FGGY: variants seen among roughly 807,000 people sequenced by gnomAD.
FGGY encodes FGGY carbohydrate kinase domain-containing protein.
A neutral mutation model predicts 71.3 loss-of-function variants in FGGY; 72 were observed. The observed-to-expected ratio is 1.01, with a 90% CI of 0.84 to 1.23. The LOEUF (loss-of-function observed/expected upper bound fraction) is 1.23. FGGY is among the 50% of genes most tolerant of loss of function. The pLI is 0.00. For missense variants in FGGY, 668 were observed against 682.3 expected (o/e 0.98, Z 0.23); for synonymous variants, 251 against 250.3 (o/e 1.00, Z -0.02).
At chr1:59,311,813 G>A (rs559694324) in intron 1 of FGGY, among the ~76,000 whole-genome samples, 11 of 152,236 alleles carry the variant, frequency 7.2e-5, no homozygotes, top group Admixed American at 5.2e-4. Context: ...TTGAGGAATC[G>A]CCATACTGCC....
chr1:59,339,472 A>T lies in FGGY; in HGVS notation c.202-486A>T, dbSNP rs184299377. On this transcript the variant is annotated intron_variant, in intron 2 of 15. Transcript: ENST00000303721. ...CCAATTATTTTTAATTATTATTATT[A>T]TTTTTTTTTGAGATGGAGTTTCGCT... Among the ~76,000 whole-genome samples the T allele has an allele frequency of 3.7e-3, 551 of 150,036 alleles. 8 individuals are homozygous for T. Among genetic ancestry groups the T allele is most frequent in the Admixed American group, 0.03 (454 of 15,018 alleles).
At chr1:59,466,570 C>A (rs950440397) in intron 6 of FGGY, among the ~76,000 whole-genome samples, 1 of 152,142 alleles carries the variant, frequency 6.6e-6, no homozygotes, top group African/African-American at 2.4e-5. Context: ...GAACAGGCAA[C>A]CTACAGAATG....
intron 7 of FGGY, among the ~76,000 whole-genome samples, chr1:59,539,237 C>G (rs191675941): frequency 6.6e-6 from 1 of 152,142 alleles, no homozygotes; most frequent in African/African-American, 2.4e-5. Context: ...GTTCAGCATT[C>G]TAGCAGATTT....
chr1:59,408,980 T>TAAAA (rs769097297), intron 5 of FGGY, among the ~76,000 whole-genome samples: 50 of 152,318 alleles, frequency 3.3e-4, no homozygotes, highest in Non-Finnish European at 6.5e-4. Context: ...ACTGGACTTT[T>TAAAA]GTTTTCTTAT....
At chr1:59,713,413 A>G (rs1345469806) in intron 14 of FGGY, among the ~76,000 whole-genome samples, 3 of 152,122 alleles carry the variant, frequency 2.0e-5, no homozygotes, top group Admixed American at 6.6e-5. Context: ...ACTGGCACCA[A>G]TTTAATGGGT....
At chr1:59,519,609 A>G (rs12090936) in intron 7 of FGGY, among the ~76,000 whole-genome samples, 2,007 of 152,292 alleles carry the variant, frequency 0.013, 44 homozygotes, top group African/African-American at 0.046. Context: ...TTCATTTCTA[A>G]TAATAAAATA....
At chr1:59,714,687 G>A (rs747903640) in intron 14 of FGGY, among the ~76,000 whole-genome samples, 2 of 152,200 alleles carry the variant, frequency 1.3e-5, no homozygotes, top group South Asian at 2.1e-4. Context: ...TTATTAGATG[G>A]GACTTTGGAG....
At chr1:59,536,572 A>T (rs1156348954) in intron 7 of FGGY, among the ~76,000 whole-genome samples, 1 of 152,206 alleles carries the variant, frequency 6.6e-6, no homozygotes, top group Non-Finnish European at 1.5e-5. Flanking sequence ...CTGATGCAAA[A>T]ATCCTCGGTA....
intron 14 of FGGY, among the ~76,000 whole-genome samples, chr1:59,686,032 G>A (rs753516398): frequency 1.1e-4 from 17 of 152,130 alleles, no homozygotes; most frequent in Non-Finnish European, 2.2e-4. Flanking sequence ...ATCCTTCCAT[G>A]GAACTCTTAT....
At chr1:59,642,610 A>G (rs2097045976) in intron 11 of FGGY, among the ~76,000 whole-genome samples, 2 of 139,894 alleles carry the variant, frequency 1.4e-5, no homozygotes, top group South Asian at 2.3e-4. Flanking sequence ...GGGTGACAAG[A>G]GCGAGACTCC....
intron 6 of FGGY, among the ~76,000 whole-genome samples, chr1:59,470,381 T>C (rs1490855835): frequency 2.0e-5 from 3 of 152,182 alleles, no homozygotes; most frequent in African/African-American, 4.8e-5. Flanking sequence ...TTTTTTCATA[T>C]CAATATGACT....
chr1:59,425,415 G>A (rs760458907), intron 5 of FGGY, among the ~76,000 whole-genome samples: 11 of 152,090 alleles, frequency 7.2e-5, no homozygotes, highest in Admixed American at 2.0e-4. Flanking sequence ...CCCCCAAATT[G>A]TCTGATATAT....
intron 11 of FGGY, among the ~76,000 whole-genome samples, chr1:59,640,354 G>C (rs2097009766): frequency 1.3e-5 from 2 of 152,088 alleles, no homozygotes; most frequent in African/African-American, 4.8e-5. Flanking sequence ...AAATTCTTCT[G>C]TTATGTTATA....
chr1:59,390,261 T>G lies in FGGY; in HGVS notation c.554+11424T>G, dbSNP rs150230770. 7.9e-5 allele frequency among the ~76,000 whole-genome samples: 12 copies of G among 152,328 alleles called. No homozygotes were observed. The East Asian group carries it at 1.9e-3, about 24-fold the overall frequency. The stretch of plus-strand genomic sequence containing the variant: ...AATGATAGTAGAAATAATAGGCATT[T>G]CAAAATAACAGTTACTTAAACACAT... On this transcript the variant is annotated intron_variant, in intron 5 of 15. Transcript: ENST00000303721.
At chr1:59,595,715 A>G (rs1170451707) in intron 8 of FGGY, among the ~76,000 whole-genome samples, 1 of 152,100 alleles carries the variant, frequency 6.6e-6, no homozygotes, top group Non-Finnish European at 1.5e-5. Flanking sequence ...AAAAATAAAT[A>G]AAAACCACAA....
chr1:59,324,572 G>A (rs1305114781), intron 2 of FGGY, among the ~76,000 whole-genome samples: 2 of 152,058 alleles, frequency 1.3e-5, no homozygotes, highest in South Asian at 2.1e-4. Context: ...CACCGCGCCC[G>A]GCCAATAACT....
chr1:59,489,559 T>C (rs1330683146), intron 6 of FGGY, among the ~76,000 whole-genome samples: 3 of 152,198 alleles, frequency 2.0e-5, no homozygotes, highest in Non-Finnish European at 4.4e-5. Context: ...TGTTGTTTTT[T>C]TATGTCTGAA....
At chr1:59,351,053 G>T (rs1464147626) in intron 4 of FGGY, among the ~76,000 whole-genome samples, 1 of 152,152 alleles carries the variant, frequency 6.6e-6, no homozygotes, top group Non-Finnish European at 1.5e-5. Context: ...GGTTAAGAAA[G>T]AATCAAAAGG....
In FGGY at chr1:59,552,019, G is replaced by A. The variant is rs60624641; in HGVS notation, c.800-2105G>A. 7.0e-3 allele frequency among the ~76,000 whole-genome samples: 1,063 copies of A among 152,226 alleles called. 11 individuals carry two copies. Among genetic ancestry groups the A allele is most frequent in the African/African-American group, 0.024 (996 of 41,518 alleles). On this transcript the variant is annotated intron_variant, in intron 7 of 15. Coordinates refer to ENST00000303721, the MANE Select transcript of FGGY (RefSeq NM_018291.5). ...TCCTGATGATGGAGGAGCTGAGAAG[G>A]GCTACATTCCCTGTGAAGCAAATCA... is the stretch of plus-strand genomic sequence containing the variant.
Sources: gnomAD v4.1 joint callset for allele counts (sites outside exome capture counted in the v4.1 genomes callset) on GRCh38, gnomAD v4.1.1 for gene constraint, MANE v1.5 for transcripts, NCBI Gene and HGNC (gene_info 2026-07-23, HGNC 2026-07-21) for gene names.